MTNAP1: variants seen among roughly 807,000 people sequenced by gnomAD.
The protein encoded by MTNAP1 is mitochondrial nucleoid associated protein 1, also known as mitochondrial nucleoid-associated protein 1.
chr17:73,241,979 A>G, the MTNAP1 span, among the ~76,000 whole-genome samples: 1 of 152,180 alleles, frequency 6.6e-6, no homozygotes, highest in Admixed American at 6.5e-5. Flanking sequence ...ATGCGCATCA[A>G]TCACCTGGCC....
At chr17:73,234,633 G>T in the MTNAP1 span, among the ~76,000 whole-genome samples, 2 of 149,204 alleles carry the variant, frequency 1.3e-5, no homozygotes, top group South Asian at 4.2e-4. Flanking sequence ...GGAGGTTTCA[G>T]TGAGCCGACA....
At chr17:73,235,125 G>GCC in the MTNAP1 span, among the ~76,000 whole-genome samples, 1 of 108,058 alleles carries the variant, frequency 9.3e-6, no homozygotes, top group Non-Finnish European at 2.1e-5. Flanking sequence ...GGGAGGCTGA[G>GCC]ACGAGAATTG....
At chr17:73,242,084 GAC>G in the MTNAP1 span, among the ~76,000 whole-genome samples, 1 of 152,274 alleles carries the variant, frequency 6.6e-6, no homozygotes, top group Non-Finnish European at 1.5e-5. Flanking sequence ...TAATTGATTT[GAC>G]TTTCAACACT....
chr17:73,234,681 C>CAAAA, the MTNAP1 span, among the ~76,000 whole-genome samples: 157 of 97,944 alleles, frequency 1.6e-3, 2 homozygotes, highest in African/African-American at 6.0e-3. Flanking sequence ...GACTCTGTCT[C>CAAAA]AAAAAAAAAA....
chr17:73,248,581 T>A, the MTNAP1 span: 3 of 1,543,234 alleles, frequency 1.9e-6, no homozygotes, highest in African/African-American at 4.1e-5. Flanking sequence ...ATACACGTAA[T>A]CCATATTCAC....
the MTNAP1 span, chr17:73,245,243 A>C: frequency 2.5e-5 from 40 of 1,608,910 alleles, no homozygotes; most frequent in Non-Finnish European, 3.2e-5. Flanking sequence ...CGTACAGTGG[A>C]GACGACTGCA....
chr17:73,246,974 G>A, the MTNAP1 span, among the ~76,000 whole-genome samples: 189 of 152,234 alleles, frequency 1.2e-3, no homozygotes, highest in South Asian at 7.3e-3. Flanking sequence ...AAGGTGAGAA[G>A]GTAGATGAGA....
At chr17:73,244,734 A>T in the MTNAP1 span, 5 of 154,142 alleles carry the variant, frequency 3.2e-5, no homozygotes, top group African/African-American at 1.2e-4. Context: ...TTTGATGCTA[A>T]TTGGGATTCG....
At chr17:73,235,518 T>A in the MTNAP1 span, 1 of 1,613,842 alleles carries the variant, frequency 6.2e-7, no homozygotes, top group African/African-American at 1.3e-5. Context: ...AAGTGTGTCC[T>A]TACTGTAAGA....
At chr17:73,235,463 T>A in the MTNAP1 span, 1 of 1,580,530 alleles carries the variant, frequency 6.3e-7, no homozygotes, top group Admixed American at 1.8e-5. Context: ...AATCTCACAT[T>A]TACCTTTTTC....
chr17:73,236,508 A>G, the MTNAP1 span: 6,388 of 1,614,250 alleles, frequency 4.0e-3, 124 homozygotes, highest in East Asian at 0.041. Flanking sequence ...ATTCAGTCAC[A>G]GGAAAGGAGT....
chr17:73,235,418 A>G, the MTNAP1 span: 2 of 1,374,768 alleles, frequency 1.5e-6, no homozygotes, highest in Non-Finnish European at 2.0e-6. Context: ...ACACATAAGT[A>G]AAATATTGGT....
At chr17:73,237,335 C>T in the MTNAP1 span, among the ~76,000 whole-genome samples, 2 of 152,090 alleles carry the variant, frequency 1.3e-5, no homozygotes, top group Non-Finnish European at 2.9e-5. Context: ...ATTTGAGAGG[C>T]TAAAGTGGGA....
chr17:73,243,135 T>C, the MTNAP1 span: 1 of 740,358 alleles, frequency 1.4e-6, no homozygotes, highest in Non-Finnish European at 2.3e-6. Flanking sequence ...CCCTGGTGAA[T>C]GAGCTATTGC....
chr17:73,242,753 C>A, the MTNAP1 span: 1 of 633,828 alleles, frequency 1.6e-6, no homozygotes, highest in Non-Finnish European at 2.7e-6. Flanking sequence ...TTGATGTTAG[C>A]CTTTATGTGT....
At chr17:73,247,436 A>G in the MTNAP1 span, 1 of 1,247,152 alleles carries the variant, frequency 8.0e-7, no homozygotes, top group Non-Finnish European at 1.2e-6. Flanking sequence ...ACCTAAGTGT[A>G]GTGGTAGCAT....
the MTNAP1 span, chr17:73,248,150 C>T: frequency 7.8e-6 from 2 of 257,842 alleles, no homozygotes; most frequent in Non-Finnish European, 1.5e-5. Context: ...ATTTTTCGCT[C>T]ATGTATGCAA....
chr17:73,239,519 T>TC, the MTNAP1 span, among the ~76,000 whole-genome samples: 1 of 19,532 alleles, frequency 5.1e-5, no homozygotes, highest in African/African-American at 1.4e-4. Flanking sequence ...GCTTCAGACA[T>TC]CTTTTTTTTT....
chr17:73,242,834 C>T, the MTNAP1 span: 13 of 1,344,124 alleles, frequency 9.7e-6, no homozygotes, highest in Non-Finnish European at 1.4e-5. Flanking sequence ...ACTTGAATGA[C>T]TCGCGGATAC....
Sources: allele counts gnomAD v4.1 joint callset (sites outside exome capture counted in the v4.1 genomes callset), GRCh38; gene constraint gnomAD v4.1.1; transcripts MANE v1.5; gene names NCBI Gene and HGNC (gene_info 2026-07-23, HGNC 2026-07-21).